TMEM64: variants seen among roughly 807,000 people sequenced by gnomAD.
TMEM64 encodes the protein transmembrane protein 64.
TMEM64 carries 19 observed loss-of-function variants against 24.5 expected under a neutral mutation model. The observed-to-expected ratio is 0.78, with a 90% confidence interval of 0.54 to 1.14. The LOEUF (loss-of-function observed/expected upper bound fraction) is 1.14, where lower values mean the gene tolerates loss of function less well. Among genes scored for constraint, TMEM64 ranks in the 50% most tolerant of loss-of-function variants. TMEM64 has a pLI of 0.00. For synonymous variants in TMEM64, 262 were observed against 224.7 expected (o/e 1.17, Z -1.49); for missense variants, 487 against 493.0 (o/e 0.99, Z 0.12).
Position 90,645,723 on chromosome 8 carries a change from G to GGCCGCCGCTGCTGCC in TMEM64, c.168_182dup (p.Ala57_Ala61dup). On this transcript the variant is annotated inframe_insertion, in exon 1 of 3. Coordinates refer to ENST00000458549, the MANE Select transcript of TMEM64 (RefSeq NM_001008495.4). This position sits in a 1 kb window ranked among gnomAD's most constrained non-coding sequence, Gnocchi z 4.2. Reference sequence around the variant, plus strand: ...GATAGGCGCCGAGCAGGGCGCCCGAGGCCGCCGCTGCTGCCGCCGCCGCGC... The same window carrying GGCCGCCGCTGCTGCC: ...GATAGGCGCCGAGCAGGGCGCCCGAGGCCGCCGCTGCTGCCGCCGCCGCTGCTGCCGCCGCCGCGC... 5 of 1,186,940 alleles carry GGCCGCCGCTGCTGCC rather than the reference G, an allele frequency of 4.2e-6. No individual in the cohort carries two copies. Among genetic ancestry groups the GGCCGCCGCTGCTGCC allele is most frequent in the African/African-American group, 3.2e-5 (2 of 62,376 alleles). 73.5% of individuals were successfully genotyped at this position (1,186,940 alleles called of 1,614,324 possible). A position where few individuals can be genotyped will look rare whatever the true frequency, so the allele number is the denominator to read the frequency against.
At position 90,638,523 on chromosome 8, in the gene TMEM64, G is replaced by A. The variant is rs118028191; in HGVS notation, c.795+6588C>T. Among the ~76,000 whole-genome samples, 23 of 152,292 alleles carry A rather than the reference G, an allele frequency of 1.5e-4. No homozygotes were observed. In the East Asian group the frequency reaches 4.4e-3, roughly 29 times the overall value. The stretch of plus-strand genomic sequence containing the variant: ...CCCTTTGCACTGGAGAACAACTGAA[G>A]GTTTCACCATTTGTTTGCCCCTCAG... On this transcript the variant is annotated intron_variant, in intron 1 of 2. Transcript: ENST00000458549.
chr8:90,629,777 G>C (rs1005081670), intron 2 of TMEM64, among the ~76,000 whole-genome samples: 3 of 151,946 alleles, frequency 2.0e-5, no homozygotes, highest in African/African-American at 7.2e-5. Context: ...CTGACTCTTT[G>C]CATGTCAAAA....
In TMEM64 at chr8:90,645,687, G is replaced by T. The variant is rs1255128162; in HGVS notation, c.219C>A (p.His73Gln). The change falls in exon 1 of 3, where the codon CAC becomes CAA. Residue 73 changes from histidine (H) to glutamine (Q), a missense_variant. By Grantham distance (24) the His-to-Gln change is conservative. Around this residue, in one of 3 missense-constraint regions of TMEM64, gnomAD observed 419 missense variants for 407.5 expected, o/e 1.03. Transcript: ENST00000458549. The surrounding 1 kb of genome is among the most constrained non-coding windows in gnomAD (Gnocchi z 4.2). ...GCAGCTCCGAAGCCTCGGGCGGACC[G>T]TGGCGCTCCAGATAGGCGCCGAGCA... is the stretch of plus-strand genomic sequence containing the variant. The part of the protein sequence containing the change: ...GALLGAYLER[H>Q]GPPEASELPE... The T allele has an allele frequency of 2.0e-6, 3 of 1,475,518 alleles. No individual in the cohort carries two copies. The highest frequency in any genetic ancestry group is 1.4e-5 in the African/African-American group (1 of 69,234). The allele number at this position is 1,475,518 out of a possible 1,614,324, so 91.4% of individuals were successfully genotyped here. A position where few individuals can be genotyped will look rare whatever the true frequency, so the allele number is the denominator to read the frequency against.
At chr8:90,634,930 T>C (rs957344429) in intron 1 of TMEM64, among the ~76,000 whole-genome samples, 12 of 152,198 alleles carry the variant, frequency 7.9e-5, no homozygotes. Flanking sequence ...TAAAACTACA[T>C]TCAACTATAT....
At position 90,639,489 on chromosome 8, in the gene TMEM64, T is replaced by C. The variant is rs117543235; in HGVS notation, c.795+5622A>G. 2.7e-4 allele frequency among the ~76,000 whole-genome samples: 41 copies of C among 152,300 alleles called. No homozygotes were observed. In the East Asian group the frequency reaches 6.8e-3, roughly 25 times the overall value. Reference sequence around the variant, plus strand: ...TTGAAAAGCTTTTCTTCATACAGTCTGACATACTATAGGTTTATTATTTGT... The same window carrying C: ...TTGAAAAGCTTTTCTTCATACAGTCCGACATACTATAGGTTTATTATTTGT... On this transcript the variant is annotated intron_variant, in intron 1 of 2. Transcript: ENST00000458549.
rs1247115799 is a variant in TMEM64, at chr8:90,645,467, G to A, written c.439C>T (p.Leu147Phe). 5.8e-6 allele frequency: 9 copies of A among 1,551,536 alleles called. No homozygotes were observed. Among genetic ancestry groups the A allele is most frequent in the Non-Finnish European group, 7.0e-6 (8 of 1,147,032 alleles). The change falls in exon 1 of 3, where the codon CTC (leucine) becomes TTC (phenylalanine). Residue 147 changes from leucine to phenylalanine, a missense_variant. By Grantham distance (22) the Leu-to-Phe change is conservative. This residue lies in a region of TMEM64 where 419 missense variants were observed against 407.5 expected (regional missense o/e 1.03). Transcript: ENST00000458549. The surrounding 1 kb of genome is among the most constrained non-coding windows in gnomAD (Gnocchi z 4.2). Reference sequence around the variant, plus strand: ...TCAAGGCTCTCCACCCACAGCAGGAGGTGGTGAAGGTAGCGGCGGACCAGG... The same window carrying A: ...TCAAGGCTCTCCACCCACAGCAGGAAGTGGTGAAGGTAGCGGCGGACCAGG... ...LALVRRYLHH[L>F]LLWVESLDSL...
rs143984143 is a variant in TMEM64 at position 90,631,936 on chromosome 8, A to G, written c.796-229T>C. ...TAATATTCTATTATACTACCATTGA[A>G]AGGTAACATTTGTGACTATTTTTTC... On this transcript the variant is annotated intron_variant, in intron 1 of 2. Transcript: ENST00000458549. 8.1e-3 allele frequency among the ~76,000 whole-genome samples: 1,237 copies of G among 152,358 alleles called. 25 individuals carry two copies. The highest frequency in any genetic ancestry group is 0.028 in the African/African-American group (1,181 of 41,580).
intron 2 of TMEM64, among the ~76,000 whole-genome samples, chr8:90,629,027 T>C (rs773618737): frequency 1.1e-4 from 17 of 152,334 alleles, no homozygotes; most frequent in Non-Finnish European, 1.8e-4. Flanking sequence ...AGAGGCAAAT[T>C]TGTGGCTCGT....
chr8:90,639,786 T>C (rs11986094), intron 1 of TMEM64, among the ~76,000 whole-genome samples: 20,956 of 152,178 alleles, frequency 0.14, 2,705 homozygotes, highest in African/African-American at 0.35. Context: ...CTTGCTATAC[T>C]TTTCAAAGTT....
chr8:90,642,834 TG>T (rs1346514371), intron 1 of TMEM64, among the ~76,000 whole-genome samples: 1 of 152,184 alleles, frequency 6.6e-6, no homozygotes, highest in African/African-American at 2.4e-5. Context: ...ACTTGGTAGG[TG>T]GGTGACTGAA....
intron 1 of TMEM64, among the ~76,000 whole-genome samples, chr8:90,636,071 C>G (rs970652426): frequency 2.6e-5 from 4 of 152,182 alleles, no homozygotes; most frequent in Non-Finnish European, 5.9e-5. Context: ...ATGACCAAAC[C>G]TTACCCTTGG....
At chr8:90,632,702 G>A (rs192230454) in intron 1 of TMEM64, among the ~76,000 whole-genome samples, 3 of 152,178 alleles carry the variant, frequency 2.0e-5, no homozygotes, top group East Asian at 3.9e-4. Flanking sequence ...CAGGCAATCC[G>A]CCCACCTCAG....
chr8:90,626,910 G>A (rs1809368972), intron 2 of TMEM64, among the ~76,000 whole-genome samples: 1 of 152,138 alleles, frequency 6.6e-6, no homozygotes, highest in Admixed American at 6.5e-5. Context: ...TTACAGGCAT[G>A]AGCCACAGTG....
In TMEM64 at chr8:90,645,716, C is replaced by T. The variant is rs901412420; in HGVS notation, c.190G>A (p.Ala64Thr). The change falls in exon 1 of 3, where the codon GCC (alanine) becomes ACC (threonine). Residue 64 changes from alanine (A) to threonine (T), a missense_variant. Physicochemically the swap from Ala to Thr is moderately conservative, Grantham distance 58. This residue lies in a region of TMEM64 where 419 missense variants were observed against 407.5 expected (regional missense o/e 1.03). Transcript: ENST00000458549. This position sits in a 1 kb window ranked among gnomAD's most constrained non-coding sequence, Gnocchi z 4.2. ...CGCTCCAGATAGGCGCCGAGCAGGG[C>T]GCCCGAGGCCGCCGCTGCTGCCGCC... Reference protein sequence around the residue: ...AAAAAAAASGALLGAYLERHG... With the variant: ...AAAAAAAASGTLLGAYLERHG... 3 of 1,197,188 alleles carry T rather than the reference C, an allele frequency of 2.5e-6. No homozygotes were observed. The highest frequency in any genetic ancestry group is 3.1e-6 in the Non-Finnish European group (3 of 967,012). The allele number at this position is 1,197,188 out of a possible 1,614,324, so 74.2% of individuals were successfully genotyped here.
intron 2 of TMEM64, among the ~76,000 whole-genome samples, chr8:90,629,807 AAAGC>A (rs1327986868): frequency 6.6e-6 from 1 of 152,182 alleles, no homozygotes; most frequent in East Asian, 1.9e-4. Context: ...AATTTTTCTT[AAAGC>A]AAGTACTCTT....
rs903011760 is a variant in TMEM64 at position 90,623,002 on chromosome 8, T to C, written c.*2669A>G. 7.3e-6 allele frequency: 1 copy of C among 136,222 alleles called. No individual in the cohort carries two copies. The highest frequency in any genetic ancestry group is 3.1e-5 in the African/African-American group (1 of 32,396). 8.4% of individuals were successfully genotyped at this position (136,222 alleles called of 1,614,324 possible). On this transcript the variant is annotated 3_prime_UTR_variant, in exon 3 of 3. Coordinates refer to ENST00000458549, the MANE Select transcript of TMEM64 (RefSeq NM_001008495.4). ...TATGCTTAGTAAATTAGCATATACA[T>C]TTTTTTTAAAGGTGCTATTGTAAAA...
In TMEM64 at chr8:90,645,650, C is replaced by T. The variant is rs1165362983; in HGVS notation, c.256G>A (p.Gly86Arg). The T allele has an allele frequency of 6.5e-7, 1 of 1,529,764 alleles. No homozygotes were observed. The highest frequency in any genetic ancestry group is 1.4e-5 in the African/African-American group (1 of 72,792). The allele number at this position is 1,529,764 out of a possible 1,614,324, so 94.8% of individuals were successfully genotyped here. A position where few individuals can be genotyped will look rare whatever the true frequency, so the allele number is the denominator to read the frequency against. Residue 86 changes from glycine to arginine, a missense_variant, in exon 1 of 3, where the codon GGG becomes AGG. Gly to Arg is a moderately radical substitution (Grantham distance 125, BLOSUM62 -2). Around this residue, in one of 3 missense-constraint regions of TMEM64, gnomAD observed 419 missense variants for 407.5 expected, o/e 1.03. Coordinates refer to ENST00000458549, the MANE Select transcript of TMEM64 (RefSeq NM_001008495.4). This position sits in a 1 kb window ranked among gnomAD's most constrained non-coding sequence, Gnocchi z 4.2. ...CTCCCGGGGCCGCCCGCCAAGGCCCCGCCCGGCTCCGGCAGCTCCGAAGCC... is the reference window on the plus strand; with the variant it reads ...CTCCCGGGGCCGCCCGCCAAGGCCCTGCCCGGCTCCGGCAGCTCCGAAGCC... ...PEASELPEPG[G>R]ALAGGPGSGG...
chr8:90,635,402 TA>T (rs202120544), intron 1 of TMEM64, among the ~76,000 whole-genome samples: 2 of 149,100 alleles, frequency 1.3e-5, no homozygotes, highest in Admixed American at 6.6e-5. Context: ...TATTTTATTT[TA>T]TTTTTTTTGA....
rs1174142730 is a variant in TMEM64 at position 90,631,518 on chromosome 8, GAA to G, written c.951+32_951+33del. The G allele has an allele frequency of 3.4e-6, 5 of 1,461,060 alleles. 1 individual carries two copies. The highest frequency in any genetic ancestry group is 4.6e-6 in the Non-Finnish European group (5 of 1,086,688). The allele number at this position is 1,461,060 out of a possible 1,614,324, so 90.5% of individuals were successfully genotyped here. On this transcript the variant is annotated intron_variant, in intron 2 of 2. Coordinates refer to ENST00000458549, the MANE Select transcript of TMEM64 (RefSeq NM_001008495.4). ...AATGCCATACAAAAAGAAACAGAGA[GAA>G]AAAAAGAGACAACCCTTGGCCTTAA...
Sources: allele counts gnomAD v4.1 joint callset (sites outside exome capture counted in the v4.1 genomes callset), GRCh38; gene constraint gnomAD v4.1.1; regional missense constraint gnomAD v4.1.1; non-coding constraint Gnocchi (gnomAD v3.1); transcripts MANE v1.5; gene names NCBI Gene and HGNC (gene_info 2026-07-23, HGNC 2026-07-21).